Variants in HMCN1 observed in about 807,000 individuals in gnomAD.
HMCN1 encodes hemicentin 1.
Under a neutral mutation model 625.9 loss-of-function variants are expected in HMCN1, and 321 were observed. The observed-to-expected ratio is 0.51, with a 90% confidence interval of 0.47 to 0.56. HMCN1 has a LOEUF of 0.56. Ranked by LOEUF, HMCN1 falls within the 20% of genes least tolerant of loss-of-function variation. The pLI, the probability that HMCN1 is intolerant of heterozygous loss-of-function variation, is 0.00. For synonymous variants in HMCN1, 2,425 were observed against 2,417.6 expected, an observed-to-expected ratio of 1.00 and a Z score of -0.09; for missense variants, 6,588 against 6,887.3, an observed-to-expected ratio of 0.96 and a Z score of 1.54.
intron 1 of HMCN1, among the ~76,000 whole-genome samples, chr1:185,835,598 A>G (rs930953818): frequency 2.0e-5 from 3 of 152,088 alleles, no homozygotes; most frequent in Non-Finnish European, 2.9e-5. Context: ...TTCTAAATCT[A>G]GGATGCTTTT....
At chr1:186,058,992 A>G (rs1416123900) in intron 46 of HMCN1, among the ~76,000 whole-genome samples, 3 of 152,032 alleles carry the variant, frequency 2.0e-5, no homozygotes, top group Non-Finnish European at 4.4e-5. Flanking sequence ...CTTCAGTTTG[A>G]TAACTTGTAA....
intron 11 of HMCN1, among the ~76,000 whole-genome samples, chr1:185,944,472 G>A (rs992957362): frequency 2.6e-5 from 4 of 152,116 alleles, no homozygotes; most frequent in African/African-American, 9.7e-5. Context: ...AATAGAAAAG[G>A]TACAAAGTGG....
At chr1:186,132,737 T>G (rs1454086208) in intron 86 of HMCN1, among the ~76,000 whole-genome samples, 1 of 151,980 alleles carries the variant, frequency 6.6e-6, no homozygotes, top group Non-Finnish European at 1.5e-5. Context: ...CATGTTGGTG[T>G]GCTGCACCCA....
chr1:186,094,253 A>G, intron 66 of HMCN1, 23 bp from the exon 67 acceptor site: 5 of 1,559,542 alleles, frequency 3.2e-6, no homozygotes, highest in African/African-American at 1.4e-5. Context: ...AAGTGATGAA[A>G]TGTGGATCAA....
At chr1:186,103,738 G>A (rs1001673142) in intron 69 of HMCN1, 70 bp downstream of exon 69, 3 of 1,304,950 alleles carry the variant, frequency 2.3e-6, no homozygotes, top group African/African-American at 2.9e-5. Flanking sequence ...TATGAGATTT[G>A]TTAAATTATG....
At chr1:185,959,175 G>A (rs1337852348) in intron 11 of HMCN1, among the ~76,000 whole-genome samples, 2 of 152,070 alleles carry the variant, frequency 1.3e-5, no homozygotes, top group South Asian at 2.1e-4. Flanking sequence ...ATTTGTTGGT[G>A]GTAATTAAAT....
chr1:185,850,837 C>T (rs567762442), intron 2 of HMCN1, among the ~76,000 whole-genome samples: 1 of 151,834 alleles, frequency 6.6e-6, no homozygotes, highest in Admixed American at 6.6e-5. Flanking sequence ...ATTAGAACAA[C>T]CAGCAAGGGA....
chr1:185,753,897 G>A (rs1196031321), intron 1 of HMCN1, among the ~76,000 whole-genome samples: 1 of 152,144 alleles, frequency 6.6e-6, no homozygotes, highest in Non-Finnish European at 1.5e-5. Context: ...ATTACCATCT[G>A]ATCCAGCAGT....
At chr1:186,136,023 T>C (rs994653796) in intron 86 of HMCN1, among the ~76,000 whole-genome samples, 6 of 151,856 alleles carry the variant, frequency 4.0e-5, no homozygotes, top group African/African-American at 1.5e-4. Context: ...AAAGAATGAG[T>C]TAATTAGCCA....
intron 4 of HMCN1, among the ~76,000 whole-genome samples, chr1:185,871,576 G>A (rs1663623957): frequency 6.6e-6 from 1 of 152,192 alleles, no homozygotes; most frequent in African/African-American, 2.4e-5. Context: ...ATAGGCAGAG[G>A]AAAGTTGAGC....
rs74134203 is a variant in HMCN1, at chr1:185,914,366, T to C, written c.900+2586T>C. Among the ~76,000 whole-genome samples the C allele has an allele frequency of 6.4e-3, 981 of 152,224 alleles. 8 individuals carry two copies. The highest frequency in any genetic ancestry group is 0.021 in the African/African-American group (871 of 41,574). ...GTGCTATCTCCCATGCACTGGACTATCTGGAAAAGGTCTGCTCTATCACTG... is the reference window on the plus strand; with the variant it reads ...GTGCTATCTCCCATGCACTGGACTACCTGGAAAAGGTCTGCTCTATCACTG... On this transcript the variant is annotated intron_variant, in intron 6 of 106. Transcript: ENST00000271588.
rs1650819906 is a variant in HMCN1, at chr1:186,153,795, G to A, written c.15064G>A (p.Ala5022Thr). Residue 5022 changes from alanine to threonine, a missense_variant, in exon 97 of 107, where the codon GCC becomes ACC. Ala to Thr is a moderately conservative substitution (Grantham distance 58). Coordinates refer to ENST00000271588, the MANE Select transcript of HMCN1 (RefSeq NM_031935.3). ...TCAAACAGGTCCTGGGCAGCTGTACGCCTACTCAACCCGGCTGTTCACCAT... is the reference window on the plus strand; with the variant it reads ...TCAAACAGGTCCTGGGCAGCTGTACACCTACTCAACCCGGCTGTTCACCAT... The part of the protein sequence containing the change: ...YIQTGPGQLY[A>T]YSTRLFTIDG... The A allele has an allele frequency of 4.3e-6, 7 of 1,613,956 alleles. No homozygotes were observed. Among genetic ancestry groups the A allele is most frequent in the African/African-American group, 1.3e-5 (1 of 74,906 alleles).
At chr1:186,107,092 C>CT (rs1208686760) in intron 70 of HMCN1, 127 bp downstream of exon 70, 28,780 of 526,076 alleles carry the variant, frequency 0.055, 8 homozygotes, top group Non-Finnish European at 0.061. Context: ...AAATCTGAAT[C>CT]TTTTTTTTTT....
intron 97 of HMCN1, 50 bp downstream of exon 97, chr1:186,154,037 G>T: frequency 6.7e-7 from 1 of 1,487,728 alleles, no homozygotes; most frequent in Non-Finnish European, 9.4e-7. Context: ...AGTCTAAAGG[G>T]TTAAAAAAAT....
In HMCN1 at chr1:185,977,782, T is replaced by C. The variant is rs1227824196; in HGVS notation, c.2372-5T>C. On this transcript the variant is annotated splice_region_variant and splice_polypyrimidine_tract_variant and intron_variant, in intron 15 of 106. Coordinates refer to ENST00000271588, the MANE Select transcript of HMCN1 (RefSeq NM_031935.3). ...GACTTATTTGTTGTTTGTAATGTCT[T>C]CCAGCACCTCCAGTTTTCATACAAG... 1.2e-6 allele frequency: 2 copies of C among 1,603,606 alleles called. No individual in the cohort carries two copies. The highest frequency in any genetic ancestry group is 3.3e-5 in the Admixed American group (2 of 59,952).
chr1:186,107,467 A>G (rs1298519559), intron 70 of HMCN1, among the ~76,000 whole-genome samples: 1 of 152,216 alleles, frequency 6.6e-6, no homozygotes, highest in Non-Finnish European at 1.5e-5. Flanking sequence ...TTTTTTGCAT[A>G]TAAATGTTTT....
chr1:185,847,131 A>G (rs1013606637), intron 2 of HMCN1, among the ~76,000 whole-genome samples: 19 of 138,114 alleles, frequency 1.4e-4, no homozygotes, highest in Non-Finnish European at 2.6e-4. Context: ...TCTAGCTTAG[A>G]GTTTTTTTTT....
intron 4 of HMCN1, among the ~76,000 whole-genome samples, chr1:185,885,291 TA>T (rs1664573792): frequency 6.6e-6 from 1 of 151,940 alleles, no homozygotes; most frequent in South Asian, 2.1e-4. Flanking sequence ...TCCGAGGAAG[TA>T]CAAGAATAGC....
chr1:186,137,771 C>T lies in HMCN1; in HGVS notation c.13754-31C>T, dbSNP rs200748678. On this transcript the variant is annotated intron_variant, in intron 88 of 106. Transcript: ENST00000271588. ...TGTAAGTATTCCCAATTGAAATATA[C>T]CTGATGGTGTAATGGTTCACCTTTG... 837 of 1,614,008 alleles carry T rather than the reference C, an allele frequency of 5.2e-4. 4 individuals carry two copies. The highest frequency in any genetic ancestry group is 3.1e-4 in the Non-Finnish European group (364 of 1,179,926).
Sources: allele counts gnomAD v4.1 joint callset (sites outside exome capture counted in the v4.1 genomes callset), GRCh38; gene constraint gnomAD v4.1.1; transcripts MANE v1.5; gene names NCBI Gene and HGNC (gene_info 2026-07-23, HGNC 2026-07-21).